The following DZIP1 variants were observed in gnomAD, a reference collection of about 807,000 sequenced individuals.
The protein encoded by DZIP1 is cilium assembly protein DZIP1.
A neutral mutation model predicts 107.6 loss-of-function variants in DZIP1; 97 were observed. That is an observed-to-expected ratio of 0.90 (90% CI 0.77 to 1.07). DZIP1 has a LOEUF of 1.07. DZIP1 is among the 50% of genes least tolerant of loss of function. DZIP1 has a pLI of 0.00. For synonymous variants in DZIP1, 390 were observed against 386.4 expected (o/e 1.01, Z -0.11); for missense variants, 1,035 against 1,063.6 (o/e 0.97, Z 0.37).
chr13:95,605,332 A>G (rs1302958819), intron 14 of DZIP1, among the ~76,000 whole-genome samples: 1 of 152,258 alleles, frequency 6.6e-6, no homozygotes, highest in Non-Finnish European at 1.5e-5. Context: ...TGTAATATCC[A>G]ACAGAGCACA....
chr13:95,628,736 A>G (rs1399884793), intron 7 of DZIP1, among the ~76,000 whole-genome samples: 1 of 152,212 alleles, frequency 6.6e-6, no homozygotes, highest in African/African-American at 2.4e-5. Flanking sequence ...ACTACAACAT[A>G]GATAAACTTT....
chr13:95,624,566 G>A (rs1303468454), intron 8 of DZIP1, among the ~76,000 whole-genome samples: 3 of 152,204 alleles, frequency 2.0e-5, no homozygotes, highest in Non-Finnish European at 2.9e-5. Flanking sequence ...CTGCACTGAA[G>A]TTTAAGGCCA....
intron 10 of DZIP1, 62 bp from the exon 11 acceptor site, chr13:95,612,239 A>T (rs997722431): frequency 6.4e-7 from 1 of 1,563,282 alleles, no homozygotes; most frequent in Non-Finnish European, 8.6e-7. Context: ...TTCATTCTCC[A>T]GATTTCAGGT....
rs1230680398 is a variant in DZIP1, at chr13:95,641,778, C to T, written c.114G>A (p.Ala38=). The change falls in exon 5 of 23, where the codon GCG becomes GCA. Residue 38 remains alanine (A), a synonymous_variant. Transcript: ENST00000376829. The surrounding 1 kb of genome is among the most constrained non-coding windows in gnomAD (Gnocchi z 4.3). ...GPDVAVAAAA[A]GAASMACAPP... ...GCGCACAGGCCATGGAGGCCGCACC[C>T]GCGGCGGCGGCGGCCACAGCGACGT... is the stretch of plus-strand genomic sequence containing the variant. The T allele has an allele frequency of 1.3e-6, 2 of 1,539,098 alleles. No individual in the cohort carries two copies. The highest frequency in any genetic ancestry group is 1.2e-5 in the South Asian group (1 of 81,274).
intron 19 of DZIP1, among the ~76,000 whole-genome samples, chr13:95,588,921 A>ACC (rs2044236799): frequency 6.6e-6 from 1 of 152,234 alleles, no homozygotes; most frequent in Admixed American, 6.5e-5. Context: ...AGAATGACTC[A>ACC]GGTGTCTTGC....
At chr13:95,644,226 C>T (rs534947722) in intron 1 of DZIP1, among the ~76,000 whole-genome samples, 151 bp downstream of exon 1, 2 of 152,366 alleles carry the variant, frequency 1.3e-5, no homozygotes, top group East Asian at 3.9e-4. Context: ...GGAAGGCAAA[C>T]AGGCAGTGGG....
intron 14 of DZIP1, among the ~76,000 whole-genome samples, chr13:95,602,610 T>C (rs1306932314): frequency 6.6e-6 from 1 of 152,256 alleles, no homozygotes; most frequent in African/African-American, 2.4e-5. Flanking sequence ...GATAACTACA[T>C]GTGGCATGTT....
In DZIP1 at chr13:95,580,977, C is replaced by G. The variant is rs1415125749; in HGVS notation, c.*1257G>C. On this transcript the variant is annotated 3_prime_UTR_variant, in exon 23 of 23. Transcript: ENST00000376829. The stretch of plus-strand genomic sequence containing the variant: ...AAAAGGATCCCAGGGTGGGTGGAAA[C>G]AGATAAAGATTTGTTCTAACCATTA... 6.6e-6 allele frequency: 1 copy of G among 152,172 alleles called. No individual in the cohort carries two copies. The highest frequency in any genetic ancestry group is 1.5e-5 in the Non-Finnish European group (1 of 68,042). The allele number at this position is 152,172 out of a possible 1,614,324, so 9.4% of individuals were successfully genotyped here.
chr13:95,622,565 T>C, intron 8 of DZIP1, 85 bp from the exon 9 acceptor site: 1 of 1,536,562 alleles, frequency 6.5e-7, no homozygotes. Context: ...CACATAGCTG[T>C]GTTTTAAATC....
At chr13:95,584,701 G>T in intron 22 of DZIP1, 35 bp downstream of exon 22, 2 of 1,577,478 alleles carry the variant, frequency 1.3e-6, no homozygotes, top group Non-Finnish European at 1.7e-6. Context: ...ATAAGAAAAT[G>T]GATCGAGCTT....
intron 16 of DZIP1, among the ~76,000 whole-genome samples, chr13:95,592,400 A>T (rs957698874): frequency 1.3e-5 from 2 of 152,220 alleles, no homozygotes; most frequent in African/African-American, 4.8e-5. Flanking sequence ...AACCACACAC[A>T]TTCCATGAAT....
chr13:95,587,706 T>A lies in DZIP1; in HGVS notation c.2051A>T (p.Glu684Val). ...GATGAGGTCGTCGTCCTCCTGCTCC[T>A]CCTCTGAACTAAAAGGAGGGGTCCT... ...TITTPPFSSE[E>V]EQEDDDLIRA... Residue 684 changes from glutamate (E) to valine (V), a missense_variant, in exon 20 of 23, where the codon GAG becomes GTG. Coordinates refer to ENST00000376829, the MANE Select transcript of DZIP1 (RefSeq NM_198968.4). 6.2e-7 allele frequency: 1 copy of A among 1,614,064 alleles called. No individual in the cohort carries two copies. The highest frequency in any genetic ancestry group is 8.5e-7 in the Non-Finnish European group (1 of 1,180,010).
chr13:95,633,297 T>C lies in DZIP1; in HGVS notation c.622A>G (p.Met208Val), dbSNP rs1877419647. ...TGACTTTGTAGAAAAGCTTGGTTCA[T>C]AAAGGCCTTGTCACAAAAATGGCAC... is the stretch of plus-strand genomic sequence containing the variant. ...YQCHFCDKAF[M>V]NQAFLQSHIQ... is the part of the protein sequence containing the mutation. The change falls in exon 6 of 23, where the codon ATG becomes GTG. Residue 208 changes from methionine (M) to valine (V), a missense_variant. Physicochemically the swap from Met to Val is conservative, Grantham distance 21. Transcript: ENST00000376829. The C allele has an allele frequency of 6.2e-7, 1 of 1,614,194 alleles. No individual in the cohort carries two copies. The highest frequency in any genetic ancestry group is 8.5e-7 in the Non-Finnish European group (1 of 1,180,024).
chr13:95,629,918 T>C, intron 7 of DZIP1, 71 bp downstream of exon 7: 1 of 1,477,918 alleles, frequency 6.8e-7, no homozygotes, highest in Non-Finnish European at 9.0e-7. Flanking sequence ...CTCTGTTTAT[T>C]AGAGTCCATG....
At chr13:95,639,494 G>T (rs1878222427) in intron 5 of DZIP1, among the ~76,000 whole-genome samples, 1 of 151,810 alleles carries the variant, frequency 6.6e-6, no homozygotes, top group Non-Finnish European at 1.5e-5. Context: ...AAGAAGCTGA[G>T]GTGGGAAAAT....
intron 5 of DZIP1, among the ~76,000 whole-genome samples, chr13:95,638,810 G>A (rs1858840042): frequency 6.6e-6 from 1 of 152,224 alleles, no homozygotes; most frequent in African/African-American, 2.4e-5. Context: ...AAAGGGAGTA[G>A]AGACAAAGAG....
At chr13:95,584,159 C>T (rs35188520) in intron 22 of DZIP1, among the ~76,000 whole-genome samples, 3,019 of 151,504 alleles carry the variant, frequency 0.02, 56 homozygotes, top group Middle Eastern at 0.034. Context: ...GTATTTTTAG[C>T]AGAGACAGCG....
intron 13 of DZIP1, among the ~76,000 whole-genome samples, chr13:95,606,894 T>A (rs1275578474): frequency 6.6e-6 from 1 of 152,218 alleles, no homozygotes; most frequent in African/African-American, 2.4e-5. Flanking sequence ...ACAATTCTTA[T>A]CTGAAAGTCC....
In DZIP1 at chr13:95,612,137, T is replaced by A. The variant is rs765585958; in HGVS notation, c.1214A>T (p.Asp405Val). The change falls in exon 11 of 23, where the codon GAT becomes GTT. Residue 405 changes from aspartate (D) to valine (V), a missense_variant. Coordinates refer to ENST00000376829, the MANE Select transcript of DZIP1 (RefSeq NM_198968.4). Reference protein sequence around the residue: ...HIEKLRTSMIDDLNASNVFYK... With the variant: ...HIEKLRTSMIVDLNASNVFYK... ...GAAAACATTGCTTGCATTTAGATCA[T>A]CTATCATTGAGGTTCGAAGTTTCTC... 1 of 1,613,248 alleles carries A rather than the reference T, an allele frequency of 6.2e-7. No homozygotes were observed. The highest frequency in any genetic ancestry group is 8.5e-7 in the Non-Finnish European group (1 of 1,180,000).
Sources: gnomAD v4.1 joint callset for allele counts (sites outside exome capture counted in the v4.1 genomes callset) on GRCh38, gnomAD v4.1.1 for gene constraint, Gnocchi (gnomAD v3.1) non-coding constraint, MANE v1.5 for transcripts, NCBI Gene and HGNC (gene_info 2026-07-23, HGNC 2026-07-21) for gene names.